Variants in TXN2 observed in about 807,000 individuals in gnomAD.
The protein encoded by TXN2 is thioredoxin 2, also known as thioredoxin, mitochondrial.
Under a neutral mutation model 14.6 loss-of-function variants are expected in TXN2, and 12 were observed. The ratio of observed to expected loss-of-function variants is 0.82; its 90% CI spans 0.53 to 1.33. The LOEUF is 1.33. Among genes scored for constraint, TXN2 ranks in the 40% most tolerant of loss-of-function variants. The pLI is 0.00. For synonymous variants in TXN2, 89 were observed against 81.0 expected, an observed-to-expected ratio of 1.10 and a Z score of -0.53; for missense variants, 173 against 207.7, an observed-to-expected ratio of 0.83 and a Z score of 1.03.
intron 2 of TXN2, among the ~76,000 whole-genome samples, chr22:36,478,350 T>A (rs1184703452): frequency 6.6e-6 from 1 of 151,984 alleles, no homozygotes; most frequent in African/African-American, 2.4e-5. Flanking sequence ...CCACCCCACT[T>A]CCTTACTGAA....
At chr22:36,473,884 C>T (rs894329677) in intron 3 of TXN2, among the ~76,000 whole-genome samples, 2 of 152,252 alleles carry the variant, frequency 1.3e-5, no homozygotes, top group Admixed American at 1.3e-4. Context: ...CCCCACGAGA[C>T]ACTGGAGCAG....
chr22:36,475,246 C>T (rs527407468), intron 3 of TXN2, among the ~76,000 whole-genome samples: 7 of 152,122 alleles, frequency 4.6e-5, no homozygotes, highest in South Asian at 2.1e-4. Flanking sequence ...GGCGTGGTGG[C>T]GCGTGCCTGT....
intron 1 of TXN2, 162 bp from the exon 2 acceptor site, chr22:36,480,999 G>T: frequency 1.4e-6 from 1 of 730,858 alleles, no homozygotes; most frequent in Non-Finnish European, 2.0e-6. Context: ...GAAGCAATGA[G>T]AATCAAAGGG....
intron 2 of TXN2, among the ~76,000 whole-genome samples, chr22:36,479,878 A>G (rs1021652885): frequency 1.3e-5 from 2 of 149,560 alleles, no homozygotes; most frequent in African/African-American, 5.0e-5. Context: ...AGTGACACCG[A>G]TAACTTTTTT....
At chr22:36,480,481 G>C (rs1208044808) in intron 2 of TXN2, 94 bp downstream of exon 2, 1 of 1,503,890 alleles carries the variant, frequency 6.6e-7, no homozygotes, top group Non-Finnish European at 9.0e-7. Context: ...GTCTACATAT[G>C]AGCAGCATAG....
Position 36,480,751 on chromosome 22 carries a change from G to C in TXN2, c.87C>G (p.Ser29=). ...TGCATTGTGGGGTCTGCAGGGCTCTGGAAGTGAGGGGTGGCCACTGACCCT... is the reference window on the plus strand; with the variant it reads ...TGCATTGTGGGGTCTGCAGGGCTCTCGAAGTGAGGGGTGGCCACTGACCCT... ...PSQGQWPPLT[S]RALQTPQCSP... is the part of the protein sequence containing the mutation. Residue 29 remains serine, a synonymous_variant, in exon 2 of 4, where the codon TCC becomes TCG. Coordinates refer to ENST00000216185, the MANE Select transcript of TXN2 (RefSeq NM_012473.4). 1 of 1,613,974 alleles carries C rather than the reference G, an allele frequency of 6.2e-7. No homozygotes were observed. The highest frequency in any genetic ancestry group is 8.5e-7 in the Non-Finnish European group (1 of 1,179,932).
At chr22:36,481,540 G>A (rs1029194466) in intron 1 of TXN2, 24 bp downstream of exon 1, 1 of 995,248 alleles carries the variant, frequency 1.0e-6, no homozygotes, top group Non-Finnish European at 1.2e-6. Flanking sequence ...ACACCACCTC[G>A]AGCCACCCCC....
chr22:36,475,392 C>T (rs1046879661), intron 3 of TXN2, among the ~76,000 whole-genome samples: 1 of 152,180 alleles, frequency 6.6e-6, no homozygotes, highest in Admixed American at 6.5e-5. Flanking sequence ...AAAACAAAAA[C>T]CCTGCCTCAT....
chr22:36,468,763 TG>T (rs1455039573), intron 3 of TXN2: 3 of 392,592 alleles, frequency 7.6e-6, no homozygotes, highest in Non-Finnish European at 1.0e-5. Flanking sequence ...GAGCTCAGGC[TG>T]GGCGCGGTGG....
chr22:36,478,132 C>CAAAA lies in TXN2; in HGVS notation c.264-1280_264-1277dup, dbSNP rs778032940. On this transcript the variant is annotated intron_variant, in intron 2 of 3. Coordinates refer to ENST00000216185, the MANE Select transcript of TXN2 (RefSeq NM_012473.4). Reference sequence around the variant, plus strand: ...AGCCTGGGCGACAGAGACTCTGTCTCAAAAAAAAAAAAAAAAAAAAAAGAG... The same window carrying CAAAA: ...AGCCTGGGCGACAGAGACTCTGTCTCAAAAAAAAAAAAAAAAAAAAAAAAAAGAG... Among the ~76,000 whole-genome samples, 106 of 67,654 alleles carry CAAAA rather than the reference C, an allele frequency of 1.6e-3. 1 individual carries two copies. Among genetic ancestry groups the CAAAA allele is most frequent in the Non-Finnish European group, 2.2e-3 (76 of 34,406 alleles). 44.4% of individuals were successfully genotyped at this position (67,654 alleles called of 152,430 possible).
chr22:36,468,941 C>A (rs1360134042), intron 3 of TXN2, among the ~76,000 whole-genome samples: 1 of 151,930 alleles, frequency 6.6e-6, no homozygotes, highest in Non-Finnish European at 1.5e-5. Flanking sequence ...ACTTGGGAGG[C>A]TGAGGTGAGA....
intron 3 of TXN2, among the ~76,000 whole-genome samples, chr22:36,469,105 C>T (rs6000281): frequency 0.17 from 26,270 of 152,130 alleles, 3,070 homozygotes; most frequent in African/African-American, 0.33. Flanking sequence ...TTCTGGCGGA[C>T]GCAATCCGGC....
chr22:36,467,752 A>G lies in TXN2; in HGVS notation c.*52T>C, dbSNP rs901089527. 2.0e-6 allele frequency: 3 copies of G among 1,471,186 alleles called. No individual in the cohort carries two copies. Among genetic ancestry groups the G allele is most frequent in the African/African-American group, 2.8e-5 (2 of 72,090 alleles). 91.1% of individuals were successfully genotyped at this position (1,471,186 alleles called of 1,614,324 possible). ...AGGAAGGGCTGGCATGGAAGGGCTGAGTTCTATTGGGGTCCCACGCGGGCA... is the reference window on the plus strand; with the variant it reads ...AGGAAGGGCTGGCATGGAAGGGCTGGGTTCTATTGGGGTCCCACGCGGGCA... On this transcript the variant is annotated 3_prime_UTR_variant, in exon 4 of 4. Coordinates refer to ENST00000216185, the MANE Select transcript of TXN2 (RefSeq NM_012473.4).
In TXN2 at chr22:36,467,416, A is replaced by C; in HGVS notation, c.*388T>G. 1 of 195,050 alleles carries C rather than the reference A, an allele frequency of 5.1e-6. No individual in the cohort carries two copies. Among genetic ancestry groups the C allele is most frequent in the Non-Finnish European group, 1.1e-5 (1 of 94,612 alleles). 12.1% of individuals were successfully genotyped at this position (195,050 alleles called of 1,614,324 possible). A position where few individuals can be genotyped will look rare whatever the true frequency, so the allele number is the denominator to read the frequency against. ...TTTACAAAACAGCAGCTGGAAAGAG[A>C]AATGTAGGTGGCAGACGAGCCAGGC... On this transcript the variant is annotated 3_prime_UTR_variant, in exon 4 of 4. Transcript: ENST00000216185.
Position 36,480,713 on chromosome 22 carries a change from A to T in TXN2, c.125T>A (p.Leu42Gln), listed in dbSNP as rs1454050097. ...LQTPQCSPGG[L>Q]TVTPNPARTI... The stretch of plus-strand genomic sequence containing the variant: ...CCGGGCTGGGTTGGGTGTTACAGTC[A>T]GGCCACCAGGACTGCATTGTGGGGT... The change falls in exon 2 of 4, where the codon CTG (leucine) becomes CAG (glutamine). Residue 42 changes from leucine to glutamine, a missense_variant. Leu to Gln is a moderately radical substitution (Grantham distance 113). Transcript: ENST00000216185. 5 of 1,614,158 alleles carry T rather than the reference A, an allele frequency of 3.1e-6. No individual in the cohort carries two copies. The Admixed American group carries it at 8.3e-5, about 27-fold the overall frequency.
intron 2 of TXN2, among the ~76,000 whole-genome samples, chr22:36,477,979 A>G (rs1439511092): frequency 6.6e-6 from 1 of 152,004 alleles, no homozygotes; most frequent in Non-Finnish European, 1.5e-5. Flanking sequence ...TCTACTAAAA[A>G]TACAAAGATT....
At chr22:36,471,559 C>T (rs1182933754) in intron 3 of TXN2, among the ~76,000 whole-genome samples, 2 of 152,168 alleles carry the variant, frequency 1.3e-5, no homozygotes, top group African/African-American at 2.4e-5. Flanking sequence ...GGTGCTTTTT[C>T]GTGTCAGGAA....
intron 3 of TXN2, 32 bp downstream of exon 3, chr22:36,476,701 C>T: frequency 6.2e-7 from 1 of 1,613,720 alleles, no homozygotes. Flanking sequence ...CCTATACTGG[C>T]TTCCCTGTGG....
At chr22:36,475,982 C>T (rs761107491) in intron 3 of TXN2, among the ~76,000 whole-genome samples, 9 of 152,120 alleles carry the variant, frequency 5.9e-5, no homozygotes, top group Non-Finnish European at 1.0e-4. Flanking sequence ...TTCCTTTATG[C>T]GCCTCTTCTT....
Sources: allele counts gnomAD v4.1 joint callset (sites outside exome capture counted in the v4.1 genomes callset), GRCh38; gene constraint gnomAD v4.1.1; transcripts MANE v1.5; gene names NCBI Gene and HGNC (gene_info 2026-07-23, HGNC 2026-07-21).